Variants in IFT43 observed in about 807,000 individuals in gnomAD.
The protein encoded by IFT43 is intraflagellar transport 43.
IFT43 carries 33 observed loss-of-function variants against 32.3 expected under a neutral mutation model. That is an observed-to-expected ratio of 1.02 (90% CI 0.77 to 1.37). The LOEUF (loss-of-function observed/expected upper bound fraction) is 1.37, where lower values mean the gene tolerates loss of function less well. IFT43 is among the 40% of genes most tolerant of loss of function. The probability of loss-of-function intolerance (pLI) is 0.00; values close to 1 mark genes in which losing one functional copy is unlikely to be tolerated. For missense variants in IFT43, 274 were observed against 265.9 expected (o/e 1.03, Z -0.21); for synonymous variants, 93 against 98.2 (o/e 0.95, Z 0.31).
At chr14:76,077,315 C>G (rs1315579153) in intron 5 of IFT43, among the ~76,000 whole-genome samples, 1 of 152,164 alleles carries the variant, frequency 6.6e-6, no homozygotes, top group Non-Finnish European at 1.5e-5. Context: ...CTTATTTGTT[C>G]TTGTGAAATG....
chr14:76,071,129 G>A (rs1445591116), intron 5 of IFT43, among the ~76,000 whole-genome samples: 4 of 152,268 alleles, frequency 2.6e-5, no homozygotes, highest in Admixed American at 2.6e-4. Context: ...CACATCCATA[G>A]TGGGAACGGG....
intron 3 of IFT43, among the ~76,000 whole-genome samples, chr14:76,041,367 A>G (rs1395792366): frequency 1.3e-5 from 2 of 152,344 alleles, no homozygotes; most frequent in African/African-American, 4.8e-5. Context: ...AAGCACAGCC[A>G]CCTATGGAAT....
rs548256606 is a variant in IFT43 at position 76,044,519 on chromosome 14, A to G, written c.216-14123A>G. 1.1e-4 allele frequency among the ~76,000 whole-genome samples: 17 copies of G among 152,272 alleles called. No individual in the cohort carries two copies. In the South Asian group the frequency reaches 3.1e-3, roughly 28 times the overall value. On this transcript the variant is annotated intron_variant, in intron 3 of 8. Transcript: ENST00000314067. ...ACCTAGTCGTTTTGGGTGTTTATGGAAGCATCATTATGTATGCACAATTGA... is the reference window on the plus strand; with the variant it reads ...ACCTAGTCGTTTTGGGTGTTTATGGGAGCATCATTATGTATGCACAATTGA...
At chr14:76,055,966 C>T (rs1457115866) in intron 3 of IFT43, among the ~76,000 whole-genome samples, 14 of 152,166 alleles carry the variant, frequency 9.2e-5, no homozygotes. Context: ...AGCTCAGGTT[C>T]ATCCACTGCA....
In IFT43 at chr14:76,003,206, A is replaced by G. The variant is rs538607766; in HGVS notation, c.147+14229A>G. Among the ~76,000 whole-genome samples the G allele has an allele frequency of 4.6e-5, 7 of 152,028 alleles. No homozygotes were observed. In the South Asian group the frequency reaches 1.0e-3, roughly 23 times the overall value. ...AGAGTTATGTCACTGTGTTTAGCCGATTGCTTTTAAGTTCCATTTTAATTC... is the reference window on the plus strand; with the variant it reads ...AGAGTTATGTCACTGTGTTTAGCCGGTTGCTTTTAAGTTCCATTTTAATTC... On this transcript the variant is annotated intron_variant, in intron 2 of 8. Coordinates refer to ENST00000314067, the MANE Select transcript of IFT43 (RefSeq NM_001102564.3).
chr14:76,051,526 C>T (rs2036913492), intron 3 of IFT43, among the ~76,000 whole-genome samples: 1 of 152,062 alleles, frequency 6.6e-6, no homozygotes, highest in African/African-American at 2.4e-5. Context: ...TGGCGCTTCA[C>T]ACATTTATAA....
intron 3 of IFT43, among the ~76,000 whole-genome samples, chr14:76,035,677 G>A (rs114136367): frequency 0.012 from 1,802 of 152,266 alleles, 45 homozygotes; most frequent in African/African-American, 0.041. Context: ...CTTTTAAACC[G>A]GCTCTGTTAT....
At chr14:76,036,726 C>T (rs758280990) in intron 3 of IFT43, among the ~76,000 whole-genome samples, 2 of 151,482 alleles carry the variant, frequency 1.3e-5, no homozygotes, top group Non-Finnish European at 2.9e-5. Context: ...TTTCTATAGT[C>T]TCTATTTTAT....
At chr14:76,024,692 A>C (rs977216040) in intron 3 of IFT43, among the ~76,000 whole-genome samples, 1 of 152,224 alleles carries the variant, frequency 6.6e-6, no homozygotes, top group Non-Finnish European at 1.5e-5. Context: ...GTGTTAGGTA[A>C]CACGTGTTCT....
chr14:76,076,439 C>A, intron 5 of IFT43: 1 of 455,036 alleles, frequency 2.2e-6, no homozygotes, highest in Non-Finnish European at 2.9e-6. Flanking sequence ...CTGCCTGAGG[C>A]ATCTCTGCCT....
chr14:76,016,259 T>C (rs187132988), intron 2 of IFT43, among the ~76,000 whole-genome samples: 51 of 152,260 alleles, frequency 3.3e-4, no homozygotes, highest in African/African-American at 1.2e-3. Flanking sequence ...GGCTCTGGTT[T>C]TATTCTTCTG....
intron 1 of IFT43, chr14:75,986,446 CAAA>C (rs60299035): frequency 4.1e-4 from 61 of 148,914 alleles, no homozygotes; most frequent in South Asian, 1.1e-3. Flanking sequence ...TGCCTGGGTT[CAAA>C]AAAAAAAAAA....
chr14:76,069,087 A>T lies in IFT43; in HGVS notation c.295+9714A>T, dbSNP rs567277077. Among the ~76,000 whole-genome samples, 8 of 152,320 alleles carry T rather than the reference A, an allele frequency of 5.3e-5. No individual in the cohort carries two copies. In the East Asian group the frequency reaches 1.5e-3, roughly 29 times the overall value. On this transcript the variant is annotated intron_variant, in intron 5 of 8. Transcript: ENST00000314067. Reference sequence around the variant, plus strand: ...ATGCTCAACTGGCTCATGGTTCTGCAGGCTGTGCAGGAAGCACAGCAGCAT... The same window carrying T: ...ATGCTCAACTGGCTCATGGTTCTGCTGGCTGTGCAGGAAGCACAGCAGCAT...
chr14:76,033,792 C>G (rs1424070243), intron 3 of IFT43, among the ~76,000 whole-genome samples: 1 of 152,166 alleles, frequency 6.6e-6, no homozygotes, highest in African/African-American at 2.4e-5. Context: ...GAGACATTTT[C>G]ATCCACAAAA....
At chr14:76,037,807 G>A (rs534250782) in intron 3 of IFT43, among the ~76,000 whole-genome samples, 2 of 151,090 alleles carry the variant, frequency 1.3e-5, no homozygotes, top group East Asian at 3.9e-4. Context: ...TGTCTATTTT[G>A]TTTGCATCTG....
intron 2 of IFT43, among the ~76,000 whole-genome samples, chr14:76,000,381 C>T (rs1456243066): frequency 6.6e-6 from 1 of 151,394 alleles, no homozygotes; most frequent in East Asian, 2.0e-4. Flanking sequence ...TCTCCTGCCT[C>T]AGCCTCCCGA....
intron 2 of IFT43, among the ~76,000 whole-genome samples, chr14:75,991,711 G>A (rs1042076387): frequency 2.0e-5 from 3 of 152,078 alleles, no homozygotes; most frequent in African/African-American, 4.8e-5. Flanking sequence ...TACTTATTTC[G>A]AGGTTTACCT....
chr14:76,080,014 G>A (rs1334065530), intron 5 of IFT43, among the ~76,000 whole-genome samples: 1 of 152,178 alleles, frequency 6.6e-6, no homozygotes, highest in Non-Finnish European at 1.5e-5. Context: ...GCACTTGCCT[G>A]TGATTGTAAA....
At chr14:76,068,258 C>T (rs1214962158) in intron 5 of IFT43, among the ~76,000 whole-genome samples, 3 of 152,134 alleles carry the variant, frequency 2.0e-5, no homozygotes, top group Non-Finnish European at 2.9e-5. Context: ...TGTGAAAGAC[C>T]TTCCAAGGAA....
Sources: gnomAD v4.1 joint callset for allele counts (sites outside exome capture counted in the v4.1 genomes callset) on GRCh38, gnomAD v4.1.1 for gene constraint, MANE v1.5 for transcripts, NCBI Gene and HGNC (gene_info 2026-07-23, HGNC 2026-07-21) for gene names.